The following GRXCR1 variants were observed in gnomAD, a reference collection of about 807,000 sequenced individuals.
The protein encoded by GRXCR1 is glutaredoxin domain-containing cysteine-rich protein 1.
A neutral mutation model predicts 27.3 loss-of-function variants in GRXCR1; 27 were observed. The ratio of observed to expected loss-of-function variants is 0.99; its 90% CI spans 0.73 to 1.37. The LOEUF (loss-of-function observed/expected upper bound fraction) is 1.37. Ranked by LOEUF, GRXCR1 falls within the 40% of genes most tolerant of loss-of-function variation. The pLI is 0.00. For missense variants in GRXCR1, 379 were observed against 354.4 expected (o/e 1.07, Z -0.56); for synonymous variants, 122 against 131.1 (o/e 0.93, Z 0.47).
At chr4:42,954,450 C>A (rs768411521) in intron 1 of GRXCR1, among the ~76,000 whole-genome samples, 2 of 152,042 alleles carry the variant, frequency 1.3e-5, no homozygotes, top group Non-Finnish European at 2.9e-5. Flanking sequence ...ACTTAGGAGG[C>A]AGACTTAGGT....
At chr4:43,004,862 T>G (rs1712504318) in intron 2 of GRXCR1, among the ~76,000 whole-genome samples, 1 of 152,138 alleles carries the variant, frequency 6.6e-6, no homozygotes. Flanking sequence ...CATGGACGTT[T>G]GAGTTAATGC....
chr4:43,019,179 A>G (rs1177865214), intron 2 of GRXCR1, among the ~76,000 whole-genome samples: 1 of 152,210 alleles, frequency 6.6e-6, no homozygotes, highest in Non-Finnish European at 1.5e-5. Context: ...CTCATAAAGT[A>G]CAGTTTTCCT....
At chr4:43,010,963 T>C (rs1437771880) in intron 2 of GRXCR1, among the ~76,000 whole-genome samples, 1 of 152,174 alleles carries the variant, frequency 6.6e-6, no homozygotes, top group Non-Finnish European at 1.5e-5. Flanking sequence ...AGGGGTTAAA[T>C]ATCTTTCACA....
intron 2 of GRXCR1, among the ~76,000 whole-genome samples, chr4:42,984,139 A>G (rs1478940273): frequency 2.0e-5 from 3 of 152,168 alleles, no homozygotes; most frequent in African/African-American, 7.2e-5. Flanking sequence ...CCCAGCCCAC[A>G]GATACATTTT....
intron 2 of GRXCR1, among the ~76,000 whole-genome samples, chr4:43,008,541 A>G (rs970518151): frequency 2.0e-5 from 3 of 152,236 alleles, no homozygotes; most frequent in Non-Finnish European, 2.9e-5. Context: ...GACAAATTTA[A>G]TATATTACTA....
chr4:42,928,021 G>A (rs929554178), intron 1 of GRXCR1, among the ~76,000 whole-genome samples: 1 of 151,852 alleles, frequency 6.6e-6, no homozygotes, highest in Non-Finnish European at 1.5e-5. Context: ...CTCTTCAGAG[G>A]GGCAAGGAAT....
chr4:42,897,924 T>C (rs1027642654), intron 1 of GRXCR1, among the ~76,000 whole-genome samples: 1 of 27,426 alleles, frequency 3.6e-5, no homozygotes, highest in Admixed American at 6.0e-4. Flanking sequence ...GTTATTACTA[T>C]TATTATTATT....
At chr4:42,956,050 C>T (rs996586787) in intron 1 of GRXCR1, among the ~76,000 whole-genome samples, 1 of 152,034 alleles carries the variant, frequency 6.6e-6, no homozygotes, top group Non-Finnish European at 1.5e-5. Context: ...TGTGCTGTGG[C>T]TACTGCAGGG....
At chr4:42,965,171 ACAAAT>A (rs1748209591) in intron 2 of GRXCR1, among the ~76,000 whole-genome samples, 1 of 152,052 alleles carries the variant, frequency 6.6e-6, no homozygotes, top group Non-Finnish European at 1.5e-5. Context: ...GGTGAAACAG[ACAAAT>A]GAGATAGGGG....
rs1258719100 is a variant in GRXCR1 at position 43,022,171 on chromosome 4, C to T, written c.693+1752C>T. Among the ~76,000 whole-genome samples the T allele has an allele frequency of 2.0e-5, 3 of 152,182 alleles. No homozygotes were observed. In the East Asian group the frequency reaches 5.8e-4, roughly 29 times the overall value. The stretch of plus-strand genomic sequence containing the variant: ...TATTATTCTCTGTACACACTTTAAA[C>T]TAATTTAAATTGTATTATGCAGTAT... On this transcript the variant is annotated intron_variant, in intron 3 of 3. Coordinates refer to ENST00000399770, the MANE Select transcript of GRXCR1 (RefSeq NM_001080476.3).
At chr4:43,000,855 C>T (rs368630807) in intron 2 of GRXCR1, among the ~76,000 whole-genome samples, 16 of 152,104 alleles carry the variant, frequency 1.1e-4, no homozygotes, top group African/African-American at 2.4e-4. Flanking sequence ...ATTACCAATT[C>T]GTATATTTTT....
chr4:42,944,135 T>G (rs775380552), intron 1 of GRXCR1, among the ~76,000 whole-genome samples: 2 of 152,000 alleles, frequency 1.3e-5, no homozygotes, highest in Non-Finnish European at 2.9e-5. Flanking sequence ...CAATATAAAT[T>G]GGCCTATGAT....
chr4:43,029,193 C>T (rs1034671058), intron 3 of GRXCR1, among the ~76,000 whole-genome samples: 2 of 152,082 alleles, frequency 1.3e-5, no homozygotes, highest in African/African-American at 4.8e-5. Context: ...TGTGCTGAAG[C>T]AATCATGGGT....
intron 2 of GRXCR1, among the ~76,000 whole-genome samples, chr4:42,995,280 TTTATC>T (rs1432342275): frequency 6.6e-6 from 1 of 152,164 alleles, no homozygotes; most frequent in Non-Finnish European, 1.5e-5. Context: ...GAATTATAGT[TTTATC>T]TTAGCAATAT....
At position 42,933,537 on chromosome 4, in the gene GRXCR1, C is replaced by T. The variant is rs146356746; in HGVS notation, c.385-29355C>T. Among the ~76,000 whole-genome samples the T allele has an allele frequency of 1.8e-3, 280 of 152,044 alleles. 4 individuals are homozygous for T. The Middle Eastern group carries it at 0.02, about 11-fold the overall frequency. ...TTTTCCTCACTGCTATTGACTAAAT[C>T]AGTATCTTCATATCTTCCTCAAATT... On this transcript the variant is annotated intron_variant, in intron 1 of 3. Coordinates refer to ENST00000399770, the MANE Select transcript of GRXCR1 (RefSeq NM_001080476.3).
Position 42,893,413 on chromosome 4 carries a change from C to G in GRXCR1, c.147C>G (p.Ile49Met). The change falls in exon 1 of 4, where the codon ATC becomes ATG. Residue 49 changes from isoleucine (I) to methionine (M), a missense_variant. Coordinates refer to ENST00000399770, the MANE Select transcript of GRXCR1 (RefSeq NM_001080476.3). ...CTCTGGATTCTGAATGTGCCAGTAT[C>G]TGTGGGATAGATGGACTAGGTGATT... Reference protein sequence around the residue: ...SGSLDSECASICGIDGLGDSD... With the variant: ...SGSLDSECASMCGIDGLGDSD... 6.2e-7 allele frequency: 1 copy of G among 1,613,820 alleles called. No homozygotes were observed. Among genetic ancestry groups the G allele is most frequent in the East Asian group, 2.2e-5 (1 of 44,844 alleles).
At chr4:42,986,638 G>A (rs1216074828) in intron 2 of GRXCR1, among the ~76,000 whole-genome samples, 4 of 152,168 alleles carry the variant, frequency 2.6e-5, no homozygotes, top group Non-Finnish European at 4.4e-5. Flanking sequence ...TGTACTCCAC[G>A]TATGGTTTCT....
chr4:42,932,609 TATATATATATAGAGAGAGAG>T (rs1173763810), intron 1 of GRXCR1, among the ~76,000 whole-genome samples: 213 of 51,060 alleles, frequency 4.2e-3, no homozygotes, highest in South Asian at 6.4e-3. Flanking sequence ...TATATATATA[TATATATATATAGAGAGAGAG>T]AGAGAGAGAG....
chr4:42,909,299 C>A (rs910376630), intron 1 of GRXCR1, among the ~76,000 whole-genome samples: 1 of 152,032 alleles, frequency 6.6e-6, no homozygotes, highest in African/African-American at 2.4e-5. Context: ...CGAAATGGGC[C>A]TTGGTGGCAG....
Sources: gnomAD v4.1 joint callset for allele counts (sites outside exome capture counted in the v4.1 genomes callset) on GRCh38, gnomAD v4.1.1 for gene constraint, MANE v1.5 for transcripts, NCBI Gene and HGNC (gene_info 2026-07-23, HGNC 2026-07-21) for gene names.